Variants in CSMD3 observed in about 807,000 individuals in gnomAD.
CSMD3 encodes the protein CUB and sushi domain-containing protein 3.
Under a neutral mutation model 435.2 loss-of-function variants are expected in CSMD3, and 177 were observed. The observed-to-expected ratio is 0.41, with a 90% CI of 0.36 to 0.46. The LOEUF is 0.46. Ranked by LOEUF, CSMD3 falls within the 20% of genes least tolerant of loss-of-function variation. The pLI, the probability that CSMD3 is intolerant of heterozygous loss-of-function variation, is 0.34. For missense variants in CSMD3, 4,265 were observed against 4,504.6 expected (o/e 0.95, Z 1.52); for synonymous variants, 1,656 against 1,520.5 (o/e 1.09, Z -2.07).
chr8:112,405,314 CAA>C (rs1295863572), intron 35 of CSMD3, among the ~76,000 whole-genome samples: 3 of 137,414 alleles, frequency 2.2e-5, no homozygotes, highest in Non-Finnish European at 4.6e-5. Flanking sequence ...AGAAACAACT[CAA>C]GTCATTAGAA....
intron 1 of CSMD3, among the ~76,000 whole-genome samples, chr8:113,415,822 T>C (rs886249729): frequency 6.6e-6 from 1 of 152,106 alleles, no homozygotes; most frequent in African/African-American, 2.4e-5. Context: ...ACATATGACA[T>C]TGAATATGTA....
intron 5 of CSMD3, among the ~76,000 whole-genome samples, chr8:113,091,433 T>A (rs1271576651): frequency 1.3e-5 from 2 of 152,072 alleles, no homozygotes; most frequent in Non-Finnish European, 2.9e-5. Flanking sequence ...TTTTATTATA[T>A]CTTTGATCTC....
At chr8:113,051,795 T>G (rs572810649) in intron 5 of CSMD3, among the ~76,000 whole-genome samples, 2 of 152,196 alleles carry the variant, frequency 1.3e-5, no homozygotes, top group Admixed American at 6.5e-5. Flanking sequence ...AAATGTATGC[T>G]GAATTGCATT....
intron 9 of CSMD3, among the ~76,000 whole-genome samples, chr8:112,939,247 A>T (rs1288661358): frequency 6.6e-6 from 1 of 152,132 alleles, no homozygotes; most frequent in African/African-American, 2.4e-5. Context: ...AATGAATGAG[A>T]TAGAAGTGGC....
At chr8:112,263,435 A>G (rs1816630317) in intron 61 of CSMD3, among the ~76,000 whole-genome samples, 1 of 152,190 alleles carries the variant, frequency 6.6e-6, no homozygotes, top group African/African-American at 2.4e-5. Context: ...AGAAAAGTTT[A>G]TAAACTAAAA....
At chr8:112,386,127 A>G (rs1454897862) in intron 36 of CSMD3, among the ~76,000 whole-genome samples, 3 of 152,166 alleles carry the variant, frequency 2.0e-5, no homozygotes, top group African/African-American at 7.2e-5. Flanking sequence ...CAAGGAAGAG[A>G]TGCTGTCATT....
At chr8:113,105,779 A>C (rs778442322) in intron 4 of CSMD3, among the ~76,000 whole-genome samples, 17 of 152,304 alleles carry the variant, frequency 1.1e-4, no homozygotes, top group Non-Finnish European at 2.4e-4. Context: ...CTGAACCAAA[A>C]GTAATTTTAA....
chr8:112,922,994 C>G (rs1003250457), intron 9 of CSMD3, among the ~76,000 whole-genome samples: 12 of 152,054 alleles, frequency 7.9e-5, no homozygotes, highest in African/African-American at 2.7e-4. Flanking sequence ...GGCCAAAAAC[C>G]TTACAGTTAT....
At chr8:112,296,151 T>C (rs1379218925) in intron 53 of CSMD3, 145 bp from the exon 54 acceptor site, 2 of 677,650 alleles carry the variant, frequency 3.0e-6, no homozygotes, top group African/African-American at 1.8e-5. Context: ...GACATAAAGG[T>C]AACTATGAAA....
intron 13 of CSMD3, among the ~76,000 whole-genome samples, chr8:112,733,252 A>G (rs1419019183): frequency 6.6e-6 from 1 of 152,084 alleles, no homozygotes; most frequent in East Asian, 1.9e-4. Context: ...CATAATCACC[A>G]CGCTAGACGA....
intron 1 of CSMD3, among the ~76,000 whole-genome samples, chr8:113,332,435 G>A (rs1049861890): frequency 6.6e-6 from 1 of 151,316 alleles, no homozygotes; most frequent in East Asian, 1.9e-4. Flanking sequence ...ATTCAGCAAG[G>A]TTGCAAGCTA....
At chr8:112,829,060 G>T (rs547603698) in intron 12 of CSMD3, among the ~76,000 whole-genome samples, 1 of 150,062 alleles carries the variant, frequency 6.7e-6, no homozygotes, top group African/African-American at 2.4e-5. Context: ...AAAAAAAAAG[G>T]AAAAAAAAAT....
At chr8:112,226,637 G>T (rs1248675714) in intron 70 of CSMD3, among the ~76,000 whole-genome samples, 1 of 152,152 alleles carries the variant, frequency 6.6e-6, no homozygotes, top group African/African-American at 2.4e-5. Context: ...CGGAAAGGGA[G>T]AAAATATTTG....
At chr8:112,936,577 G>A (rs2083287717) in intron 9 of CSMD3, among the ~76,000 whole-genome samples, 1 of 151,978 alleles carries the variant, frequency 6.6e-6, no homozygotes, top group African/African-American at 2.4e-5. Context: ...GGAAGCCTTA[G>A]TATTCCTTTT....
At chr8:113,351,449 T>A (rs940798607) in intron 1 of CSMD3, among the ~76,000 whole-genome samples, 3 of 152,080 alleles carry the variant, frequency 2.0e-5, no homozygotes, top group African/African-American at 7.2e-5. Flanking sequence ...TACTAAGGAA[T>A]AATGAAAAGA....
At chr8:112,291,135 T>G (rs992668730) in intron 56 of CSMD3, among the ~76,000 whole-genome samples, 3 of 151,956 alleles carry the variant, frequency 2.0e-5, no homozygotes, top group Non-Finnish European at 4.4e-5. Flanking sequence ...TCATGTATTC[T>G]GAATCCATGA....
chr8:112,307,289 A>G (rs970722741), intron 50 of CSMD3, among the ~76,000 whole-genome samples: 2 of 151,732 alleles, frequency 1.3e-5, no homozygotes, highest in East Asian at 1.9e-4. Flanking sequence ...TACTTGGCCA[A>G]TTGTTTGTTT....
chr8:112,455,472 C>T (rs76661016), intron 32 of CSMD3, among the ~76,000 whole-genome samples: 2,663 of 152,112 alleles, frequency 0.018, 80 homozygotes, highest in African/African-American at 0.061. Flanking sequence ...TGTTTAGTAC[C>T]TGGCTGACAG....
At chr8:112,931,610 A>T (rs1260069275) in intron 9 of CSMD3, among the ~76,000 whole-genome samples, 1 of 152,146 alleles carries the variant, frequency 6.6e-6, no homozygotes, top group Non-Finnish European at 1.5e-5. Context: ...GACTACAGTA[A>T]ACCAGAAAGC....
Sources: gnomAD v4.1 joint callset for allele counts (sites outside exome capture counted in the v4.1 genomes callset) on GRCh38, gnomAD v4.1.1 for gene constraint, MANE v1.5 for transcripts, NCBI Gene and HGNC (gene_info 2026-07-23, HGNC 2026-07-21) for gene names.